Variants in CTNNA3 observed in about 807,000 individuals in gnomAD.
The protein encoded by CTNNA3 is catenin alpha-3.
In CTNNA3, 76 loss-of-function variants were observed where a neutral mutation model predicts 95.7. The observed-to-expected ratio is 0.79, with a 90% confidence interval of 0.66 to 0.96. The LOEUF (loss-of-function observed/expected upper bound fraction) is 0.96. CTNNA3 is among the 40% of genes least tolerant of loss of function. The pLI is 0.00. For missense variants in CTNNA3, 1,191 were observed against 1,089.8 expected, an observed-to-expected ratio of 1.09 and a Z score of -1.31; for synonymous variants, 431 against 374.4, an observed-to-expected ratio of 1.15 and a Z score of -1.74.
chr10:67,671,287 G>A (rs1840426783), intron 1 of CTNNA3, among the ~76,000 whole-genome samples: 1 of 152,156 alleles, frequency 6.6e-6, no homozygotes, highest in African/African-American at 2.4e-5. Context: ...AGCTGAAGAG[G>A]AAGGATGACA....
intron 12 of CTNNA3, among the ~76,000 whole-genome samples, chr10:66,327,700 A>T (rs898658921): frequency 6.6e-6 from 1 of 151,920 alleles, no homozygotes; most frequent in African/African-American, 2.4e-5. Context: ...GATTATTAAA[A>T]TTTTTTCCAT....
chr10:66,100,084 A>G (rs543140981), intron 14 of CTNNA3, among the ~76,000 whole-genome samples: 2 of 152,216 alleles, frequency 1.3e-5, no homozygotes, highest in African/African-American at 4.8e-5. Flanking sequence ...ATTGGAAGGT[A>G]GTTTGTTTTG....
At chr10:66,692,546 T>C (rs1380395868) in intron 9 of CTNNA3, among the ~76,000 whole-genome samples, 1 of 152,026 alleles carries the variant, frequency 6.6e-6, no homozygotes, top group East Asian at 1.9e-4. Flanking sequence ...CTGCAGGATA[T>C]TATCCAGAAG....
chr10:67,185,545 C>T (rs1343730110), intron 6 of CTNNA3, among the ~76,000 whole-genome samples: 1 of 152,040 alleles, frequency 6.6e-6, no homozygotes, highest in African/African-American at 2.4e-5. Context: ...TTTAACATTT[C>T]TTTTTCTTTA....
At chr10:67,752,308 T>C (rs990917627) in intron 1 of CTNNA3, among the ~76,000 whole-genome samples, 2 of 152,186 alleles carry the variant, frequency 1.3e-5, no homozygotes, top group Non-Finnish European at 2.9e-5. Context: ...AAACTAGGAA[T>C]TGATGGAACA....
At chr10:66,138,603 C>T (rs2083464646) in intron 13 of CTNNA3, among the ~76,000 whole-genome samples, 1 of 152,110 alleles carries the variant, frequency 6.6e-6, no homozygotes, top group African/African-American at 2.4e-5. Context: ...CCGAGGTGGG[C>T]AGATCACCTG....
rs1371700365 is a variant in CTNNA3 at position 67,245,634 on chromosome 10, C to T, written c.580-25764G>A. On this transcript the variant is annotated intron_variant, in intron 5 of 17. Coordinates refer to ENST00000433211, the MANE Select transcript of CTNNA3 (RefSeq NM_013266.4). ...CAGTGCTTTGGGAGGCCGAGGCGGG[C>T]GGATCACGAAGTCAAGAGATTGAGA... 3.9e-5 allele frequency among the ~76,000 whole-genome samples: 6 copies of T among 151,978 alleles called. No individual in the cohort carries two copies. In the East Asian group the frequency reaches 5.8e-4, roughly 15 times the overall value.
chr10:66,305,237 A>T (rs1406834282), intron 12 of CTNNA3, among the ~76,000 whole-genome samples: 1 of 152,182 alleles, frequency 6.6e-6, no homozygotes, highest in African/African-American at 2.4e-5. Flanking sequence ...TAGTTGTATT[A>T]CTTTTGTTTC....
intron 9 of CTNNA3, among the ~76,000 whole-genome samples, chr10:66,712,219 G>C (rs138663629): frequency 9.9e-5 from 15 of 152,212 alleles, no homozygotes; most frequent in African/African-American, 3.4e-4. Flanking sequence ...ATAAACATGT[G>C]ATACAAGCTG....
chr10:66,429,074 C>T (rs1023162457), intron 11 of CTNNA3, among the ~76,000 whole-genome samples: 1 of 151,916 alleles, frequency 6.6e-6, no homozygotes, highest in African/African-American at 2.4e-5. Context: ...AAGGGGATAT[C>T]ACCACCGATC....
chr10:66,197,386 T>TATC (rs1326022036), intron 13 of CTNNA3, among the ~76,000 whole-genome samples: 1 of 145,758 alleles, frequency 6.9e-6, no homozygotes, highest in Non-Finnish European at 1.5e-5. Flanking sequence ...ATCTATCATC[T>TATC]ATCTATCCAC....
intron 11 of CTNNA3, among the ~76,000 whole-genome samples, chr10:66,448,183 G>A (rs934873854): frequency 1.2e-4 from 18 of 152,060 alleles, no homozygotes; most frequent in Non-Finnish European, 2.2e-4. Context: ...AACAACAGGT[G>A]CTGGAGAGGA....
At chr10:67,163,517 T>C (rs1053433747) in intron 7 of CTNNA3, among the ~76,000 whole-genome samples, 7 of 152,042 alleles carry the variant, frequency 4.6e-5, no homozygotes, top group Non-Finnish European at 1.0e-4. Flanking sequence ...GCTAACATTG[T>C]ATTTAATGGC....
intron 7 of CTNNA3, among the ~76,000 whole-genome samples, chr10:67,033,793 C>A (rs890210898): frequency 1.3e-5 from 2 of 151,920 alleles, no homozygotes; most frequent in African/African-American, 4.8e-5. Context: ...TTTTTTTGGA[C>A]GAAGTCTCAC....
intron 1 of CTNNA3, among the ~76,000 whole-genome samples, chr10:67,702,379 A>G (rs921177448): frequency 1.4e-4 from 22 of 152,160 alleles, no homozygotes; most frequent in Non-Finnish European, 3.1e-4. Context: ...GTTGGAAGTA[A>G]AGCTCTCCTC....
chr10:66,814,530 G>A (rs1256057607), intron 7 of CTNNA3, among the ~76,000 whole-genome samples: 4 of 152,120 alleles, frequency 2.6e-5, no homozygotes, highest in African/African-American at 9.7e-5. Flanking sequence ...TGAGGCCAAG[G>A]CAAGCAGATC....
chr10:66,143,831 T>A (rs936799688), intron 13 of CTNNA3, among the ~76,000 whole-genome samples: 1 of 152,194 alleles, frequency 6.6e-6, no homozygotes, highest in Non-Finnish European at 1.5e-5. Flanking sequence ...GATATATATG[T>A]TACAATTTTC....
At chr10:67,566,072 T>TATATATAC (rs1265158791) in intron 3 of CTNNA3, among the ~76,000 whole-genome samples, 2 of 102,158 alleles carry the variant, frequency 2.0e-5, no homozygotes, top group African/African-American at 3.7e-5. Flanking sequence ...TATATATATA[T>TATATATAC]ACAAAACCTA....
intron 5 of CTNNA3, among the ~76,000 whole-genome samples, chr10:67,338,360 C>T (rs541774523): frequency 8.9e-4 from 136 of 152,188 alleles, no homozygotes; most frequent in Non-Finnish European, 1.8e-3. Flanking sequence ...AGAACTCCCT[C>T]ATCACTAAGG....
Sources: gnomAD v4.1 joint callset for allele counts (sites outside exome capture counted in the v4.1 genomes callset) on GRCh38, gnomAD v4.1.1 for gene constraint, MANE v1.5 for transcripts, NCBI Gene and HGNC (gene_info 2026-07-23, HGNC 2026-07-21) for gene names.